MAP2: variants seen among roughly 807,000 people sequenced by gnomAD.
MAP2 encodes microtubule-associated protein 2.
Under a neutral mutation model 137.6 loss-of-function variants are expected in MAP2, and 14 were observed. The observed-to-expected ratio is 0.10, with a 90% CI of 0.07 to 0.16. MAP2 has a LOEUF of 0.16. Among genes scored for constraint, MAP2 ranks in the 10% least tolerant of loss-of-function variants. The probability of loss-of-function intolerance (pLI) is 1.00; values close to 1 mark genes in which losing one functional copy is unlikely to be tolerated. For missense variants in MAP2, 2,088 were observed against 2,191.5 expected, an observed-to-expected ratio of 0.95 and a Z score of 0.94; for synonymous variants, 786 against 782.3, an observed-to-expected ratio of 1.00 and a Z score of -0.08.
At chr2:209,676,390 G>A (rs1463755280) in intron 5 of MAP2, among the ~76,000 whole-genome samples, 1 of 151,852 alleles carries the variant, frequency 6.6e-6, no homozygotes, top group African/African-American at 2.4e-5. Context: ...CTATTGGAAG[G>A]TGGAGGATTG....
chr2:209,646,864 A>G (rs1046090276), intron 4 of MAP2, among the ~76,000 whole-genome samples: 3 of 152,108 alleles, frequency 2.0e-5, no homozygotes, highest in African/African-American at 7.2e-5. Context: ...CTTTAGAATT[A>G]ATAAATTCTA....
At position 209,691,725 on chromosome 2, in the gene MAP2, G is replaced by A. The variant is rs141201362; in HGVS notation, c.455-900G>A. 3.6e-3 allele frequency among the ~76,000 whole-genome samples: 546 copies of A among 152,248 alleles called. 3 individuals carry two copies. The highest frequency in any genetic ancestry group is 0.017 in the Middle Eastern group (5 of 294). Reference sequence around the variant, plus strand: ...TGAAGCACCTCTAAAGCCAATACTGGCCAATGCTTCACCAGTTAGTCATGC... The same window carrying A: ...TGAAGCACCTCTAAAGCCAATACTGACCAATGCTTCACCAGTTAGTCATGC... On this transcript the variant is annotated intron_variant, in intron 7 of 15. Coordinates refer to ENST00000682079, the MANE Select transcript of MAP2 (RefSeq NM_001375505.1).
At chr2:209,644,670 C>CAGAAAAAA (rs527801970) in intron 4 of MAP2, among the ~76,000 whole-genome samples, 1 of 68,584 alleles carries the variant, frequency 1.5e-5, no homozygotes. Context: ...GACCCTGTCT[C>CAGAAAAAA]AAAAAAAAAA....
At chr2:209,647,087 T>C (rs1251191772) in intron 4 of MAP2, among the ~76,000 whole-genome samples, 2 of 152,096 alleles carry the variant, frequency 1.3e-5, no homozygotes, top group Non-Finnish European at 2.9e-5. Context: ...GCACCTCACA[T>C]GACCAGAGCA....
At chr2:209,669,589 T>G (rs1401074046) in intron 5 of MAP2, among the ~76,000 whole-genome samples, 1 of 152,060 alleles carries the variant, frequency 6.6e-6, no homozygotes, top group Non-Finnish European at 1.5e-5. Context: ...ATGTAGAATT[T>G]TTTTCCATCA....
intron 4 of MAP2, among the ~76,000 whole-genome samples, chr2:209,649,941 A>T (rs1209375769): frequency 6.6e-6 from 1 of 152,240 alleles, no homozygotes; most frequent in Non-Finnish European, 1.5e-5. Context: ...TAAAGCATTA[A>T]ATACTAAGGA....
At chr2:209,454,427 C>T (rs901960958) in intron 1 of MAP2, among the ~76,000 whole-genome samples, 19 of 152,060 alleles carry the variant, frequency 1.2e-4, no homozygotes, top group Admixed American at 5.2e-4. Flanking sequence ...CTCTGCCTCC[C>T]GAGTTCAAGC....
rs1465709598 is a variant in MAP2, at chr2:209,492,497, A to T, written c.-221-15095A>T. ...TTCACTTAAGAATAGAGGAAGTCAA[A>T]TTATCTCTGTTTGCAGATGACATAA... On this transcript the variant is annotated intron_variant, in intron 1 of 15. Transcript: ENST00000682079. Among the ~76,000 whole-genome samples, 4 of 152,208 alleles carry T rather than the reference A, an allele frequency of 2.6e-5. No individual in the cohort carries two copies. In the East Asian group the frequency reaches 7.7e-4, roughly 29 times the overall value.
chr2:209,457,420 T>C (rs1701799153), intron 1 of MAP2, among the ~76,000 whole-genome samples: 1 of 152,208 alleles, frequency 6.6e-6, no homozygotes, highest in South Asian at 2.1e-4. Context: ...TCCTACGTTA[T>C]TGCTCATTTT....
At chr2:209,728,146 G>A (rs1196432379) in intron 14 of MAP2, among the ~76,000 whole-genome samples, 1 of 151,982 alleles carries the variant, frequency 6.6e-6, no homozygotes, top group Non-Finnish European at 1.5e-5. Flanking sequence ...AAATAAAAAG[G>A]ACATTTTAGC....
intron 2 of MAP2, among the ~76,000 whole-genome samples, chr2:209,549,241 CA>C (rs915330140): frequency 3.9e-5 from 6 of 152,114 alleles, no homozygotes; most frequent in African/African-American, 1.4e-4. Context: ...TATCACTGGG[CA>C]AGGGAAATGG....
chr2:209,472,867 A>G (rs1239051023), intron 1 of MAP2, among the ~76,000 whole-genome samples: 1 of 152,200 alleles, frequency 6.6e-6, no homozygotes, highest in African/African-American at 2.4e-5. Context: ...GGAAGTTGAG[A>G]GATCTTCTAG....
At chr2:209,656,712 AG>A (rs1483433345) in intron 5 of MAP2, among the ~76,000 whole-genome samples, 1 of 151,174 alleles carries the variant, frequency 6.6e-6, no homozygotes, top group Non-Finnish European at 1.5e-5. Flanking sequence ...CTAGCCACTT[AG>A]GAAAGCTGTC....
intron 1 of MAP2, among the ~76,000 whole-genome samples, chr2:209,491,020 C>T (rs1399231404): frequency 3.3e-5 from 5 of 152,172 alleles, no homozygotes; most frequent in African/African-American, 7.2e-5. Context: ...CCACATAGCA[C>T]TTATTCTAAA....
chr2:209,658,724 C>T (rs2042041479), intron 5 of MAP2, among the ~76,000 whole-genome samples: 1 of 152,050 alleles, frequency 6.6e-6, no homozygotes, highest in Non-Finnish European at 1.5e-5. Flanking sequence ...CCAGGCTGGT[C>T]TTGAACTCCT....
intron 3 of MAP2, among the ~76,000 whole-genome samples, chr2:209,606,702 T>G (rs1013424705): frequency 3.3e-5 from 5 of 152,232 alleles, no homozygotes; most frequent in African/African-American, 1.2e-4. Context: ...TTGAATGTAA[T>G]AAATAATTAT....
At chr2:209,548,157 G>C (rs1415968519) in intron 2 of MAP2, among the ~76,000 whole-genome samples, 1 of 152,156 alleles carries the variant, frequency 6.6e-6, no homozygotes, top group Non-Finnish European at 1.5e-5. Flanking sequence ...TGGACTTCAG[G>C]ATCCAAGCAT....
chr2:209,599,832 T>G (rs2082452087), intron 3 of MAP2, among the ~76,000 whole-genome samples: 1 of 152,130 alleles, frequency 6.6e-6, no homozygotes, highest in Non-Finnish European at 1.5e-5. Context: ...TGTGAAATAT[T>G]GGAAATTTAC....
At chr2:209,571,797 A>G (rs2074436392) in intron 2 of MAP2, among the ~76,000 whole-genome samples, 1 of 152,018 alleles carries the variant, frequency 6.6e-6, no homozygotes, top group African/African-American at 2.4e-5. Context: ...TGAAATCTAA[A>G]TATGGCTTTT....
Sources: gnomAD v4.1 joint callset for allele counts (sites outside exome capture counted in the v4.1 genomes callset) on GRCh38, gnomAD v4.1.1 for gene constraint, MANE v1.5 for transcripts, NCBI Gene and HGNC (gene_info 2026-07-23, HGNC 2026-07-21) for gene names.